Variants in PTGES3 observed in about 807,000 individuals in gnomAD.
PTGES3 encodes the protein Hsp90 co-chaperone.
PTGES3 carries 5 observed loss-of-function variants against 29.9 expected under a neutral mutation model. The ratio of observed to expected loss-of-function variants is 0.17; its 90% CI spans 0.09 to 0.35. The LOEUF (loss-of-function observed/expected upper bound fraction) is 0.35, where lower values mean the gene tolerates loss of function less well. PTGES3 is among the 10% of genes least tolerant of loss of function. The probability of loss-of-function intolerance (pLI) is 1.00; values close to 1 mark genes in which losing one functional copy is unlikely to be tolerated. For missense variants in PTGES3, 128 were observed against 190.0 expected (o/e 0.67, Z 1.92); for synonymous variants, 49 against 57.8 (o/e 0.85, Z 0.69).
At chr12:56,664,628 T>C (rs934130781) in intron 7 of PTGES3, 130 bp from the exon 8 acceptor site, 3 of 1,365,922 alleles carry the variant, frequency 2.2e-6, no homozygotes, top group Non-Finnish European at 3.0e-6. Flanking sequence ...TGTCTTGCTA[T>C]CAAGTTATTC....
At chr12:56,676,558 T>G (rs1952259038) in intron 1 of PTGES3, among the ~76,000 whole-genome samples, 2 of 152,054 alleles carry the variant, frequency 1.3e-5, no homozygotes, top group African/African-American at 2.4e-5. Context: ...CTTCAGGGTC[T>G]AAAACCAAAG....
intron 1 of PTGES3, among the ~76,000 whole-genome samples, chr12:56,673,304 T>C (rs1021384401): frequency 3.3e-5 from 5 of 151,914 alleles, no homozygotes; most frequent in African/African-American, 9.7e-5. Context: ...CAATGCTTAG[T>C]AGAGTTAGCC....
chr12:56,674,421 G>C (rs530943781), intron 1 of PTGES3, among the ~76,000 whole-genome samples: 1 of 152,160 alleles, frequency 6.6e-6, no homozygotes, highest in Non-Finnish European at 1.5e-5. Context: ...GCCAGGCGCG[G>C]TGGCTCACGC....
chr12:56,667,906 G>A (rs1365897898), intron 5 of PTGES3, among the ~76,000 whole-genome samples: 1 of 152,138 alleles, frequency 6.6e-6, no homozygotes, highest in African/African-American at 2.4e-5. Context: ...TCAGGAGTTC[G>A]AGGCTAGCCT....
chr12:56,676,498 T>C (rs1252568792), intron 1 of PTGES3, among the ~76,000 whole-genome samples: 1 of 152,120 alleles, frequency 6.6e-6, no homozygotes, highest in Non-Finnish European at 1.5e-5. Context: ...TGAGTCTTTC[T>C]TGAACAAAGA....
At chr12:56,684,098 A>G (rs1041629466) in intron 1 of PTGES3, among the ~76,000 whole-genome samples, 2 of 152,188 alleles carry the variant, frequency 1.3e-5, no homozygotes, top group South Asian at 4.1e-4. Context: ...GCTCACGTAA[A>G]TATGATCTTA....
At chr12:56,672,052 T>C (rs1952024980) in intron 3 of PTGES3, among the ~76,000 whole-genome samples, 1 of 152,198 alleles carries the variant, frequency 6.6e-6, no homozygotes, top group Non-Finnish European at 1.5e-5. Context: ...TTTTTTCCCT[T>C]CTATTTCCTA....
intron 1 of PTGES3, among the ~76,000 whole-genome samples, chr12:56,682,932 T>G (rs1334501902): frequency 6.6e-6 from 1 of 151,496 alleles, no homozygotes; most frequent in Non-Finnish European, 1.5e-5. Context: ...AGGCAGAGGT[T>G]GCAGTGAGCC....
At chr12:56,665,730 C>T in intron 6 of PTGES3, 1 of 825,104 alleles carries the variant, frequency 1.2e-6, no homozygotes, top group Non-Finnish European at 1.5e-6. Context: ...CAACCTCCGC[C>T]TCCCAGGTTC....
rs140565274 is a variant in PTGES3, at chr12:56,677,015, C to G, written c.3-3950G>C. Among the ~76,000 whole-genome samples, 7 of 150,036 alleles carry G rather than the reference C, an allele frequency of 4.7e-5. No individual in the cohort carries two copies. In the East Asian group the frequency reaches 1.4e-3, roughly 29 times the overall value. The stretch of plus-strand genomic sequence containing the variant: ...CTTTGGGAGGCTGAGGTGAGCAGGT[C>G]ACCTGATGTCAGGAGTTCAAGACCA... On this transcript the variant is annotated intron_variant, in intron 1 of 7. Transcript: ENST00000262033.
chr12:56,675,975 C>T (rs1186388225), intron 1 of PTGES3, among the ~76,000 whole-genome samples: 3 of 152,000 alleles, frequency 2.0e-5, no homozygotes, highest in Non-Finnish European at 4.4e-5. Flanking sequence ...GCCCATGATC[C>T]CAGCACTTTG....
chr12:56,669,186 G>C (rs1258936137), intron 5 of PTGES3, among the ~76,000 whole-genome samples: 1 of 150,360 alleles, frequency 6.7e-6, no homozygotes, highest in East Asian at 2.0e-4. Context: ...TTTTTTTGTA[G>C]TTTTATTTAA....
intron 1 of PTGES3, among the ~76,000 whole-genome samples, chr12:56,675,953 G>A (rs1952219572): frequency 6.6e-6 from 1 of 151,832 alleles, no homozygotes; most frequent in South Asian, 2.1e-4. Context: ...CAGACCAGGC[G>A]CAGTGACTCA....
chr12:56,687,798 G>C (rs1353401339), intron 1 of PTGES3, 200 bp downstream of exon 1: 6 of 1,433,778 alleles, frequency 4.2e-6, no homozygotes, highest in Non-Finnish European at 5.5e-6. Flanking sequence ...CGGTTCAGGG[G>C]TGGGGGAAGC....
chr12:56,676,234 A>C (rs1468463007), intron 1 of PTGES3, among the ~76,000 whole-genome samples: 11 of 150,038 alleles, frequency 7.3e-5, no homozygotes, highest in African/African-American at 1.2e-4. Flanking sequence ...TCCCCCCCCA[A>C]AAAAAAAAAA....
chr12:56,687,951 C>T, intron 1 of PTGES3, 47 bp downstream of exon 1: 4 of 1,603,586 alleles, frequency 2.5e-6, no homozygotes, highest in Non-Finnish European at 3.4e-6. Context: ...CCCAACGCGG[C>T]CTCGGCCTCA....
At position 56,666,082 on chromosome 12, in the gene PTGES3, CTT is replaced by C. The variant is rs1473307487; in HGVS notation, c.438+120_438+121del. 79 of 1,404,288 alleles carry C rather than the reference CTT, an allele frequency of 5.6e-5. 1 individual carries two copies. Among genetic ancestry groups the C allele is most frequent in the South Asian group, 3.9e-4 (23 of 58,972 alleles). The allele number at this position is 1,404,288 out of a possible 1,614,324, so 87.0% of individuals were successfully genotyped here. ...GGCACATTTTAAAAATTGCTTTTCC[CTT>C]TTCTTTTTTTTTAGAAAATAAGAAG... is the stretch of plus-strand genomic sequence containing the variant. On this transcript the variant is annotated intron_variant, in intron 6 of 7. Coordinates refer to ENST00000262033, the MANE Select transcript of PTGES3 (RefSeq NM_006601.7).
chr12:56,688,201 C>T lies in PTGES3; in HGVS notation c.-202G>A, dbSNP rs979084228. On this transcript the variant is annotated 5_prime_UTR_variant, in exon 1 of 8. Coordinates refer to ENST00000262033, the MANE Select transcript of PTGES3 (RefSeq NM_006601.7). ...CACCGCGCGGAAAGAGCGGCTCCTC[C>T]GGTCGGGGAGAAGAGGAAAGTGTAG... 4.3e-6 allele frequency: 4 copies of T among 940,782 alleles called. No individual in the cohort carries two copies. Among genetic ancestry groups the T allele is most frequent in the Non-Finnish European group, 5.9e-6 (4 of 682,998 alleles). The allele number at this position is 940,782 out of a possible 1,614,324, so 58.3% of individuals were successfully genotyped here.
intron 6 of PTGES3, 172 bp downstream of exon 6, chr12:56,666,030 AAT>A: frequency 7.2e-7 from 1 of 1,381,446 alleles, no homozygotes; most frequent in Admixed American, 3.2e-5. Flanking sequence ...CCAGTTCCCT[AAT>A]AGATACCCCC....
Sources: gnomAD v4.1 joint callset for allele counts (sites outside exome capture counted in the v4.1 genomes callset) on GRCh38, gnomAD v4.1.1 for gene constraint, MANE v1.5 for transcripts, NCBI Gene and HGNC (gene_info 2026-07-23, HGNC 2026-07-21) for gene names.